Variants in TMEM132D observed in about 807,000 individuals in gnomAD.
TMEM132D encodes mature OL transmembrane protein.
A neutral mutation model predicts 62.3 loss-of-function variants in TMEM132D; 21 were observed. The observed-to-expected ratio is 0.34, with a 90% CI of 0.24 to 0.49. The LOEUF (loss-of-function observed/expected upper bound fraction) is 0.49. TMEM132D is among the 20% of genes least tolerant of loss of function. The pLI is 0.99. For synonymous variants in TMEM132D, 621 were observed against 575.6 expected (o/e 1.08, Z -1.13); for missense variants, 1,346 against 1,402.8 (o/e 0.96, Z 0.65).
At chr12:129,102,322 A>G (rs546431232) in intron 5 of TMEM132D, among the ~76,000 whole-genome samples, 1 of 152,224 alleles carries the variant, frequency 6.6e-6, no homozygotes, top group South Asian at 2.1e-4. Flanking sequence ...ACACGTGTAC[A>G]CACTTACACA....
intron 3 of TMEM132D, among the ~76,000 whole-genome samples, chr12:129,459,610 T>C (rs1230471816): frequency 6.6e-6 from 1 of 152,200 alleles, no homozygotes; most frequent in Non-Finnish European, 1.5e-5. Flanking sequence ...AAGTTAGTGT[T>C]TCTGAATTTT....
chr12:129,632,848 A>C lies in TMEM132D; in HGVS notation c.968+66962T>G, dbSNP rs1344519893. Among the ~76,000 whole-genome samples, 2 of 152,142 alleles carry C rather than the reference A, an allele frequency of 1.3e-5. 1 individual carries two copies. The highest frequency in any genetic ancestry group is 1.3e-4 in the Admixed American group (2 of 15,280). On this transcript the variant is annotated intron_variant, in intron 2 of 8. Coordinates refer to ENST00000422113, the MANE Select transcript of TMEM132D (RefSeq NM_133448.3). ...CTAACTATTGATGACCTTTGTCATC[A>C]CTTGGGTGCCACTTTGTGACACTTT... is the stretch of plus-strand genomic sequence containing the variant.
intron 2 of TMEM132D, among the ~76,000 whole-genome samples, chr12:129,541,371 T>A (rs751328399): frequency 2.2e-4 from 33 of 152,154 alleles, no homozygotes; most frequent in Non-Finnish European, 3.8e-4. Context: ...TTTAAATATT[T>A]TACAAATTGT....
At chr12:129,231,915 G>C (rs1032457766) in intron 4 of TMEM132D, among the ~76,000 whole-genome samples, 5 of 152,224 alleles carry the variant, frequency 3.3e-5, no homozygotes, top group Non-Finnish European at 7.3e-5. Flanking sequence ...ATGGAGCTCT[G>C]ACAAAATTTC....
chr12:129,744,142 A>C (rs1269428395), intron 1 of TMEM132D, among the ~76,000 whole-genome samples: 2 of 152,228 alleles, frequency 1.3e-5, no homozygotes, highest in East Asian at 3.8e-4. Context: ...GGGTGACAGC[A>C]GCTCCTGTCT....
At chr12:129,467,131 T>C (rs141844511) in intron 3 of TMEM132D, among the ~76,000 whole-genome samples, 2 of 152,284 alleles carry the variant, frequency 1.3e-5, no homozygotes, top group East Asian at 3.9e-4. Flanking sequence ...ATAAAATAAG[T>C]ACTGTTTTTG....
At chr12:129,584,920 C>T (rs189767035) in intron 2 of TMEM132D, among the ~76,000 whole-genome samples, 4 of 152,246 alleles carry the variant, frequency 2.6e-5, no homozygotes, top group African/African-American at 4.8e-5. Flanking sequence ...ACAGAGCCAG[C>T]ATGGGGTGTT....
intron 3 of TMEM132D, among the ~76,000 whole-genome samples, chr12:129,529,700 C>G (rs1876159657): frequency 1.3e-5 from 2 of 152,184 alleles, no homozygotes; most frequent in African/African-American, 4.8e-5. Flanking sequence ...TATTCATCCA[C>G]CCTCTCATCC....
At chr12:129,793,653 A>C (rs566456556) in intron 1 of TMEM132D, among the ~76,000 whole-genome samples, 2 of 152,252 alleles carry the variant, frequency 1.3e-5, no homozygotes, top group Admixed American at 6.5e-5. Context: ...GGCGTGGGCC[A>C]TCACACCTAG....
At chr12:129,447,725 T>C (rs544428604) in intron 3 of TMEM132D, among the ~76,000 whole-genome samples, 3 of 152,288 alleles carry the variant, frequency 2.0e-5, no homozygotes, top group Admixed American at 2.0e-4. Context: ...GTAGTGAAGT[T>C]TTCTACATAT....
At position 129,604,963 on chromosome 12, in the gene TMEM132D, C is replaced by T. The variant is rs77443464; in HGVS notation, c.969-73758G>A. ...AGTGAACAAGAGGAGATGCAAGATACTTATTTAGAACCTCTTTCCCACTTT... is the reference window on the plus strand; with the variant it reads ...AGTGAACAAGAGGAGATGCAAGATATTTATTTAGAACCTCTTTCCCACTTT... On this transcript the variant is annotated intron_variant, in intron 2 of 8. Transcript: ENST00000422113. 8.9e-3 allele frequency among the ~76,000 whole-genome samples: 1,355 copies of T among 152,296 alleles called. 24 individuals are homozygous for T. The highest frequency in any genetic ancestry group is 0.031 in the African/African-American group (1,303 of 41,542).
chr12:129,604,885 C>A (rs570468707), intron 2 of TMEM132D, among the ~76,000 whole-genome samples: 62 of 152,244 alleles, frequency 4.1e-4, no homozygotes, highest in Middle Eastern at 3.4e-3. Context: ...CAAATGCATA[C>A]CTTACTAAGA....
At chr12:129,873,786 T>G (rs1043830314) in intron 1 of TMEM132D, among the ~76,000 whole-genome samples, 7 of 152,194 alleles carry the variant, frequency 4.6e-5, no homozygotes, top group African/African-American at 1.7e-4. Context: ...CAGAGAGAAC[T>G]AGAGAGGGTC....
intron 1 of TMEM132D, among the ~76,000 whole-genome samples, chr12:129,785,294 A>T (rs1871221498): frequency 6.6e-6 from 1 of 152,122 alleles, no homozygotes; most frequent in South Asian, 2.1e-4. Flanking sequence ...TCAGACTCTA[A>T]GAACCACTGC....
At chr12:129,728,917 C>A (rs1451864546) in intron 1 of TMEM132D, among the ~76,000 whole-genome samples, 1 of 152,094 alleles carries the variant, frequency 6.6e-6, no homozygotes, top group Non-Finnish European at 1.5e-5. Context: ...AGCTGAAGGC[C>A]CCTGAGCTCA....
chr12:129,663,594 G>T (rs1016669355), intron 2 of TMEM132D, among the ~76,000 whole-genome samples: 1 of 152,176 alleles, frequency 6.6e-6, no homozygotes, highest in Non-Finnish European at 1.5e-5. Context: ...ACTGTTCCCT[G>T]GTGTGTAGGC....
At chr12:129,386,190 T>C (rs760163170) in intron 3 of TMEM132D, among the ~76,000 whole-genome samples, 35 of 152,176 alleles carry the variant, frequency 2.3e-4, no homozygotes, top group Non-Finnish European at 4.4e-4. Context: ...GCCCAATTAA[T>C]GGAAACTGTT....
At chr12:129,525,496 T>C (rs905100929) in intron 3 of TMEM132D, among the ~76,000 whole-genome samples, 3 of 152,116 alleles carry the variant, frequency 2.0e-5, no homozygotes, top group Non-Finnish European at 2.9e-5. Context: ...GCATCCTTCA[T>C]GGTCTAGGAG....
chr12:129,683,551 A>T (rs1165549095), intron 2 of TMEM132D, among the ~76,000 whole-genome samples: 1 of 152,188 alleles, frequency 6.6e-6, no homozygotes, highest in Non-Finnish European at 1.5e-5. Context: ...ACACAGAAAA[A>T]TTAAACCTGG....
Sources: allele counts gnomAD v4.1 joint callset (sites outside exome capture counted in the v4.1 genomes callset), GRCh38; gene constraint gnomAD v4.1.1; transcripts MANE v1.5; gene names NCBI Gene and HGNC (gene_info 2026-07-23, HGNC 2026-07-21).